GAB3: variants seen among roughly 807,000 people sequenced by gnomAD.
GAB3 encodes the protein GRB2-associated-binding protein 3.
GAB3 carries 12 observed loss-of-function variants against 40.4 expected under a neutral mutation model. The observed-to-expected ratio is 0.30, with a 90% CI of 0.19 to 0.48. GAB3 has a LOEUF of 0.48. Ranked by LOEUF, GAB3 falls within the 20% of genes least tolerant of loss-of-function variation. The pLI is 0.99. For missense variants in GAB3, 381 were observed against 461.9 expected, an observed-to-expected ratio of 0.82 and a Z score of 1.61; for synonymous variants, 154 against 176.7, an observed-to-expected ratio of 0.87 and a Z score of 1.02.
intron 9 of GAB3, chrX:154,679,422 T>C (rs1557246317): frequency 4.7e-6 from 1 of 211,641 alleles, no homozygotes; most frequent in Non-Finnish European, 9.1e-6. Context: ...GCTCCTTTTA[T>C]ACTTATTGCT....
At chrX:154,682,261 A>G (rs1557246925) in intron 8 of GAB3, among the ~76,000 whole-genome samples, 1 of 111,928 alleles carries the variant, frequency 8.9e-6, no homozygotes. Flanking sequence ...AGTAATTCTA[A>G]TTATTTCTAA....
intron 1 of GAB3, among the ~76,000 whole-genome samples, chrX:154,737,271 T>C (rs181090494): frequency 1.2e-4 from 13 of 111,825 alleles, no homozygotes; most frequent in African/African-American, 1.6e-4. Context: ...GCCCTATCAG[T>C]CAGAGCCCTG....
At chrX:154,685,308 G>A (rs782741597) in intron 8 of GAB3, among the ~76,000 whole-genome samples, 19 of 110,797 alleles carry the variant, frequency 1.7e-4, no homozygotes, top group Non-Finnish European at 3.2e-4. Context: ...AATTTGGGGG[G>A]TTGCTGTTTC....
In GAB3 at chrX:154,678,117, G is replaced by T; in HGVS notation, c.*61C>A. On this transcript the variant is annotated 3_prime_UTR_variant, in exon 10 of 10. Transcript: ENST00000424127. ...TTAGTGGACAAAAAAAAAAAAAAAAGAAAAAACTCAAACTGAGCCCCAAGC... is the reference window on the plus strand; with the variant it reads ...TTAGTGGACAAAAAAAAAAAAAAAATAAAAAACTCAAACTGAGCCCCAAGC... 9.5e-5 allele frequency: 47 copies of T among 495,658 alleles called. No homozygotes were observed. The highest frequency in any genetic ancestry group is 1.4e-4 in the Non-Finnish European group (43 of 304,192). The allele number at this position is 495,658 out of a possible 1,213,427, so 40.8% of individuals were successfully genotyped here.
chrX:154,680,713 G>C (rs1443266724), intron 8 of GAB3, among the ~76,000 whole-genome samples: 8 of 112,169 alleles, frequency 7.1e-5, no homozygotes, highest in Non-Finnish European at 1.5e-4. Context: ...TGTTTCCCCT[G>C]TACCATCTTT....
chrX:154,744,317 A>G (rs1381607137), intron 1 of GAB3, among the ~76,000 whole-genome samples: 1 of 110,586 alleles, frequency 9.0e-6, no homozygotes, highest in Non-Finnish European at 1.9e-5. Flanking sequence ...AGAGGTTAGA[A>G]GTAAAAGAAT....
At position 154,700,084 on chromosome X, in the gene GAB3, G is replaced by A. The variant is rs376742477; in HGVS notation, c.1070-25C>T. The A allele has an allele frequency of 1.0e-5, 12 of 1,145,896 alleles. No homozygotes were observed. In the African/African-American group the frequency reaches 2.0e-4, roughly 19 times the overall value. 94.4% of individuals were successfully genotyped at this position (1,145,896 alleles called of 1,213,427 possible). A position where few individuals can be genotyped will look rare whatever the true frequency, so the allele number is the denominator to read the frequency against. On this transcript the variant is annotated intron_variant, in intron 4 of 9. Transcript: ENST00000424127. ...GCTGCAAGAAATAAGCCAAGGTGGT[G>A]AGAAATGCAGAACAATATCAACTGA...
chrX:154,743,500 G>T (rs1481059211), intron 1 of GAB3, among the ~76,000 whole-genome samples: 7 of 111,719 alleles, frequency 6.3e-5, no homozygotes, highest in African/African-American at 2.3e-4. Flanking sequence ...AAAGATAACT[G>T]GTTGTCTAAA....
At chrX:154,730,565 G>A (rs991037513) in intron 1 of GAB3, among the ~76,000 whole-genome samples, 5 of 112,064 alleles carry the variant, frequency 4.5e-5, no homozygotes, top group Admixed American at 9.4e-5. Context: ...CACCTTGAAC[G>A]CACTCACGAG....
intron 1 of GAB3, among the ~76,000 whole-genome samples, chrX:154,742,733 G>A (rs2071461355): frequency 9.0e-6 from 1 of 110,511 alleles, no homozygotes; most frequent in South Asian, 3.8e-4. Context: ...AGACATAAAA[G>A]GACCACATAG....
intron 8 of GAB3, among the ~76,000 whole-genome samples, chrX:154,683,530 A>AT (rs1557247253): frequency 8.9e-6 from 1 of 111,765 alleles, no homozygotes; most frequent in Non-Finnish European, 1.9e-5. Flanking sequence ...TTTCACCTCC[A>AT]TGGAGTGAGG....
intron 1 of GAB3, among the ~76,000 whole-genome samples, chrX:154,747,464 T>C (rs1175990046): frequency 2.7e-5 from 3 of 112,501 alleles, no homozygotes; most frequent in Non-Finnish European, 3.8e-5. Context: ...AAATGGATCA[T>C]AGATCTAAAT....
At chrX:154,683,396 G>A (rs1263533538) in intron 8 of GAB3, among the ~76,000 whole-genome samples, 1 of 112,174 alleles carries the variant, frequency 8.9e-6, no homozygotes, top group African/African-American at 3.2e-5. Context: ...TCACCTTGTC[G>A]TTAGTATAGT....
intron 1 of GAB3, among the ~76,000 whole-genome samples, chrX:154,741,792 G>A (rs957713249): frequency 8.1e-5 from 9 of 111,355 alleles, no homozygotes; most frequent in East Asian, 2.8e-4. Flanking sequence ...GGAGAAACAG[G>A]TACCCTCTTC....
In GAB3 at chrX:154,676,503, A is replaced by C. The variant is rs1472005532; in HGVS notation, c.*1675T>G. The C allele has an allele frequency of 9.0e-6, 1 of 111,683 alleles. No homozygotes were observed. Among genetic ancestry groups the C allele is most frequent in the Admixed American group, 9.5e-5 (1 of 10,536 alleles). The allele number at this position is 111,683 out of a possible 1,213,427, so 9.2% of individuals were successfully genotyped here. A position where few individuals can be genotyped will look rare whatever the true frequency, so the allele number is the denominator to read the frequency against. On this transcript the variant is annotated 3_prime_UTR_variant, in exon 10 of 10. Transcript: ENST00000424127. Reference sequence around the variant, plus strand: ...CCCTCTCCTTGCTCTGTCCAGGCTCACTAAGGACCCTGAACTCAGTTAAAA... The same window carrying C: ...CCCTCTCCTTGCTCTGTCCAGGCTCCCTAAGGACCCTGAACTCAGTTAAAA...
intron 8 of GAB3, among the ~76,000 whole-genome samples, chrX:154,683,413 G>A (rs1285756019): frequency 8.9e-6 from 1 of 111,849 alleles, no homozygotes; most frequent in Non-Finnish European, 1.9e-5. Context: ...TAGTATTCGT[G>A]GTCAAATATG....
intron 1 of GAB3, among the ~76,000 whole-genome samples, chrX:154,718,552 A>C (rs1171157652): frequency 8.9e-6 from 1 of 111,750 alleles, no homozygotes; most frequent in Non-Finnish European, 1.9e-5. Context: ...TCCTGTTGCA[A>C]AAACGTGGCA....
intron 1 of GAB3, among the ~76,000 whole-genome samples, chrX:154,718,440 G>A (rs1272513999): frequency 1.8e-5 from 2 of 111,167 alleles, no homozygotes; most frequent in Non-Finnish European, 3.8e-5. Context: ...GACAAACAAC[G>A]TGGTGTGATT....
chrX:154,711,680 T>C (rs2070949446), intron 4 of GAB3, among the ~76,000 whole-genome samples: 1 of 111,857 alleles, frequency 8.9e-6, no homozygotes, highest in Non-Finnish European at 1.9e-5. Flanking sequence ...TAGAAGGCAG[T>C]GATGGTCTGT....
Sources: allele counts gnomAD v4.1 joint callset (sites outside exome capture counted in the v4.1 genomes callset), GRCh38; gene constraint gnomAD v4.1.1; transcripts MANE v1.5; gene names NCBI Gene and HGNC (gene_info 2026-07-23, HGNC 2026-07-21).